Variants in NBAS observed in about 807,000 individuals in gnomAD.
NBAS encodes NAG/BC035112 fusion.
NBAS carries 219 observed loss-of-function variants against 302.5 expected under a neutral mutation model. That is an observed-to-expected ratio of 0.72 (90% confidence interval 0.65 to 0.81). The LOEUF (loss-of-function observed/expected upper bound fraction) is 0.81. Among genes scored for constraint, NBAS ranks in the 30% least tolerant of loss-of-function variants. The probability of loss-of-function intolerance (pLI) is 0.00; values close to 1 mark genes in which losing one functional copy is unlikely to be tolerated. For missense variants in NBAS, 2,932 were observed against 2,841.6 expected, an observed-to-expected ratio of 1.03 and a Z score of -0.72; for synonymous variants, 1,118 against 1,021.6, an observed-to-expected ratio of 1.09 and a Z score of -1.80.
chr2:14,989,293 A>ATGTGTGTGTGTGTGTG, the NBAS span, among the ~76,000 whole-genome samples: 3,659 of 148,056 alleles, frequency 0.025, 86 homozygotes, highest in Admixed American at 0.078. Flanking sequence ...ATGTATGTGT[A>ATGTGTGTGTGTGTGTG]TGTGTGTGTG....
chr2:15,292,229 G>A (rs929960436), intron 41 of NBAS, among the ~76,000 whole-genome samples: 5 of 152,086 alleles, frequency 3.3e-5, no homozygotes, highest in Non-Finnish European at 7.4e-5. Flanking sequence ...GAGATCTTGG[G>A]CCACCTTGGC....
rs576167499 is a variant in NBAS, at chr2:15,437,293, G to A, written c.2340-9499C>T. ...TGCCCAGGAGTTTGAGACCATCCTG[G>A]GTGACAGAGAGTCTCCATCTCTTGA... On this transcript the variant is annotated intron_variant, in intron 21 of 51. Transcript: ENST00000281513. Among the ~76,000 whole-genome samples the A allele has an allele frequency of 1.4e-4, 22 of 152,190 alleles. No homozygotes were observed. The South Asian group carries it at 3.7e-3, about 26-fold the overall frequency.
At chr2:15,077,962 A>G in the NBAS span, among the ~76,000 whole-genome samples, 1 of 152,004 alleles carries the variant, frequency 6.6e-6, no homozygotes, top group Non-Finnish European at 1.5e-5. Flanking sequence ...GATTACAGGC[A>G]TGAGCCACCA....
intron 44 of NBAS, among the ~76,000 whole-genome samples, chr2:15,239,380 T>A (rs1438180952): frequency 8.2e-6 from 1 of 122,084 alleles, no homozygotes; most frequent in Non-Finnish European, 1.7e-5. Context: ...TGTGTGTGTG[T>A]ATGTGTGCGT....
At chr2:15,002,264 T>A in the NBAS span, among the ~76,000 whole-genome samples, 3 of 152,010 alleles carry the variant, frequency 2.0e-5, no homozygotes, top group African/African-American at 7.3e-5. Context: ...GTATTTACAA[T>A]CCCTGAGCCA....
intron 32 of NBAS, among the ~76,000 whole-genome samples, chr2:15,358,264 A>G (rs1331119195): frequency 6.6e-6 from 1 of 152,036 alleles, no homozygotes; most frequent in East Asian, 1.9e-4. Context: ...CAAAAACAAC[A>G]ACAAAAAATC....
intron 12 of NBAS, 35 bp from the exon 13 acceptor site, chr2:15,478,324 A>G: frequency 4.8e-6 from 7 of 1,457,464 alleles, no homozygotes; most frequent in Non-Finnish European, 6.7e-6. Flanking sequence ...TGAGTGAACT[A>G]TGTAAGAAAA....
the NBAS span, among the ~76,000 whole-genome samples, chr2:15,027,535 A>C: frequency 6.6e-6 from 1 of 152,040 alleles, no homozygotes; most frequent in Non-Finnish European, 1.5e-5. Flanking sequence ...GCTTTACTAG[A>C]ATCTCTTGGG....
chr2:14,881,189 CAT>C, the NBAS span, among the ~76,000 whole-genome samples: 2 of 152,126 alleles, frequency 1.3e-5, no homozygotes, highest in African/African-American at 4.8e-5. Context: ...TTTGCAGCAA[CAT>C]AGATACAGCT....
At chr2:15,503,316 T>A (rs56139147) in intron 11 of NBAS, among the ~76,000 whole-genome samples, 1 of 152,196 alleles carries the variant, frequency 6.6e-6, no homozygotes, top group Non-Finnish European at 1.5e-5. Flanking sequence ...ATCCACAGGT[T>A]CCACATCCTC....
At chr2:15,462,650 G>A (rs1294069285) in intron 19 of NBAS, among the ~76,000 whole-genome samples, 2 of 152,120 alleles carry the variant, frequency 1.3e-5, no homozygotes, top group African/African-American at 4.8e-5. Flanking sequence ...AGGAAGGAGA[G>A]CTGAGCAGTT....
the NBAS span, among the ~76,000 whole-genome samples, chr2:15,000,955 A>G: frequency 6.6e-6 from 1 of 152,162 alleles, no homozygotes; most frequent in African/African-American, 2.4e-5. Context: ...AGGGTGAACG[A>G]CACACCACAC....
At chr2:14,933,013 A>G in the NBAS span, among the ~76,000 whole-genome samples, 3 of 152,236 alleles carry the variant, frequency 2.0e-5, no homozygotes, top group African/African-American at 7.2e-5. Context: ...GTTTCTAAGA[A>G]TGAGCTTTAT....
Position 15,276,897 on chromosome 2 carries a change from T to C in NBAS, c.5343A>G (p.Pro1781=). 6.2e-7 allele frequency: 1 copy of C among 1,614,090 alleles called. No homozygotes were observed. Reference sequence around the variant, plus strand: ...TCTTCAGCAGTCGAATGTGGGTTTCTGGTTTAATGGCACAGTTCCCCAAAT... The same window carrying C: ...TCTTCAGCAGTCGAATGTGGGTTTCCGGTTTAATGGCACAGTTCCCCAAAT... ...CADLGNCAIK[P]ETHIRLLKKF... is the part of the protein sequence containing the mutation. The change falls in exon 43 of 52, where the codon CCA becomes CCG. Residue 1781 remains proline, a synonymous_variant. Transcript: ENST00000281513.
rs1675128173 is a variant in NBAS at position 15,383,235 on chromosome 2, C to A, written c.3340G>T (p.Asp1114Tyr). The change falls in exon 29 of 52, where the codon GAT (aspartate) becomes TAT (tyrosine). Residue 1114 changes from aspartate to tyrosine, a missense_variant. Transcript: ENST00000281513. ...GTTACCTCATAGCAGGCATCAGAAT[C>A]TAGACATGTGTATACATTCTGCTGC... ...TMQQNVYTCL[D>Y]SDACYEIFTE... 1 of 1,613,768 alleles carries A rather than the reference C, an allele frequency of 6.2e-7. No homozygotes were observed. Among genetic ancestry groups the A allele is most frequent in the Non-Finnish European group, 8.5e-7 (1 of 1,179,770 alleles).
chr2:14,894,711 C>T, the NBAS span, among the ~76,000 whole-genome samples: 2 of 152,094 alleles, frequency 1.3e-5, no homozygotes, highest in Non-Finnish European at 2.9e-5. Flanking sequence ...GACTCTAAGT[C>T]CTTAATTCCA....
chr2:15,475,253 G>A (rs893226790), intron 14 of NBAS, among the ~76,000 whole-genome samples: 2 of 152,088 alleles, frequency 1.3e-5, no homozygotes, highest in African/African-American at 4.8e-5. Flanking sequence ...ATTTTTAAAT[G>A]ACCAAAAGAT....
chr2:14,851,194 A>C, the NBAS span, among the ~76,000 whole-genome samples: 2 of 134,802 alleles, frequency 1.5e-5, no homozygotes, highest in Non-Finnish European at 3.0e-5. Context: ...AAGACTAATA[A>C]AGAAAAAAAG....
the NBAS span, among the ~76,000 whole-genome samples, chr2:15,007,931 T>G: frequency 6.6e-6 from 1 of 152,198 alleles, no homozygotes; most frequent in Non-Finnish European, 1.5e-5. Flanking sequence ...AATACCTAAC[T>G]TAAGAGCTAT....
Sources: gnomAD v4.1 joint callset for allele counts (sites outside exome capture counted in the v4.1 genomes callset) on GRCh38, gnomAD v4.1.1 for gene constraint, MANE v1.5 for transcripts, NCBI Gene and HGNC (gene_info 2026-07-23, HGNC 2026-07-21) for gene names.